PTPRK: variants seen among roughly 807,000 people sequenced by gnomAD.
The protein encoded by PTPRK is protein tyrosine phosphatase receptor type K, also known as receptor-type tyrosine-protein phosphatase kappa.
In PTPRK, 75 loss-of-function variants were observed where a neutral mutation model predicts 178.0. That is an observed-to-expected ratio of 0.42 (90% CI 0.35 to 0.51). PTPRK has a LOEUF of 0.51. Ranked by LOEUF, PTPRK falls within the 20% of genes least tolerant of loss-of-function variation. The pLI is 0.02. For missense variants in PTPRK, 1,441 were observed against 1,797.8 expected (o/e 0.80, Z 3.59); for synonymous variants, 637 against 620.6 (o/e 1.03, Z -0.39).
intron 7 of PTPRK, among the ~76,000 whole-genome samples, chr6:128,108,024 A>C (rs1790001344): frequency 6.6e-6 from 1 of 150,906 alleles, no homozygotes; most frequent in Admixed American, 6.6e-5. Flanking sequence ...CCATTTGATT[A>C]TGTCCCAGGC....
chr6:128,371,612 G>A (rs567759985), intron 2 of PTPRK, among the ~76,000 whole-genome samples: 1 of 152,210 alleles, frequency 6.6e-6, no homozygotes, highest in East Asian at 1.9e-4. Flanking sequence ...TGGTTGTGGA[G>A]TCAACTCTAA....
At chr6:128,506,430 T>G (rs1856352485) in intron 1 of PTPRK, among the ~76,000 whole-genome samples, 1 of 152,116 alleles carries the variant, frequency 6.6e-6, no homozygotes. Flanking sequence ...ACCTAGAGAA[T>G]TTTAAATGCA....
In PTPRK at chr6:128,083,717, C is replaced by T. The variant is rs141536662; in HGVS notation, c.1573G>A (p.Glu525Lys). Residue 525 changes from glutamate (E) to lysine (K), a missense_variant and splice_region_variant, in exon 9 of 30, where the codon GAG (glutamate) becomes AAG (lysine). Glu to Lys is a moderately conservative substitution (Grantham distance 56, BLOSUM62 1). This residue lies in a region of PTPRK where 945 missense variants were observed against 1,080.6 expected (regional missense o/e 0.87). Transcript: ENST00000368226. ...LDPNGIITQY[E>K]ISYSSIRSFD... ...TAACTTCCTTGTTCTCCCAATACCT[C>T]ATATTGAGTGATGATTCCATTTGGA... The T allele has an allele frequency of 1.0e-5, 16 of 1,568,958 alleles. No individual in the cohort carries two copies. In the African/African-American group the frequency reaches 1.2e-4, roughly 12 times the overall value.
intron 1 of PTPRK, among the ~76,000 whole-genome samples, chr6:128,416,670 T>C (rs1312434326): frequency 6.8e-6 from 1 of 147,628 alleles, no homozygotes; most frequent in Non-Finnish European, 1.5e-5. Flanking sequence ...AAAAAAGAAC[T>C]GGAGAGGCAA....
chr6:128,235,417 G>A (rs1460930884), intron 5 of PTPRK: 5 of 227,572 alleles, frequency 2.2e-5, no homozygotes. Context: ...TTTCATTTCA[G>A]TATAAATTAT....
intron 7 of PTPRK, among the ~76,000 whole-genome samples, chr6:128,154,007 A>C (rs1797639408): frequency 6.6e-6 from 1 of 151,984 alleles, no homozygotes; most frequent in East Asian, 1.9e-4. Flanking sequence ...AGGAATTCAG[A>C]AGCATGTATT....
At position 128,054,334 on chromosome 6, in the gene PTPRK, C is replaced by T. The variant is rs1779548270; in HGVS notation, c.2194+10424G>A. Reference sequence around the variant, plus strand: ...CTCCATAAAATTCTTCTCTTAGCTTCTCCACCATAAGCAATTATGAGTAAT... The same window carrying T: ...CTCCATAAAATTCTTCTCTTAGCTTTTCCACCATAAGCAATTATGAGTAAT... On this transcript the variant is annotated intron_variant, in intron 13 of 29. Transcript: ENST00000368226. Among the ~76,000 whole-genome samples the T allele has an allele frequency of 2.0e-5, 3 of 152,162 alleles. No homozygotes were observed. The South Asian group carries it at 6.2e-4, about 31-fold the overall frequency.
At chr6:128,058,490 T>C (rs904673759) in intron 13 of PTPRK, among the ~76,000 whole-genome samples, 5 of 152,172 alleles carry the variant, frequency 3.3e-5, no homozygotes, top group Non-Finnish European at 5.9e-5. Flanking sequence ...TTCTAATGGA[T>C]TGTCTCTTGT....
At chr6:128,376,845 T>C (rs901996814) in intron 2 of PTPRK, among the ~76,000 whole-genome samples, 3 of 152,202 alleles carry the variant, frequency 2.0e-5, no homozygotes, top group African/African-American at 4.8e-5. Context: ...AGGGGCATAA[T>C]GCCACCAATC....
intron 13 of PTPRK, among the ~76,000 whole-genome samples, chr6:128,052,361 C>T (rs952697797): frequency 1.3e-5 from 2 of 152,132 alleles, no homozygotes; most frequent in African/African-American, 4.8e-5. Context: ...CCCAATTGTC[C>T]TAATGATGTT....
chr6:128,164,320 G>T (rs1243352234), intron 7 of PTPRK, among the ~76,000 whole-genome samples: 1 of 151,296 alleles, frequency 6.6e-6, no homozygotes, highest in Non-Finnish European at 1.5e-5. Context: ...CATGAATAAA[G>T]CATGACCCTA....
chr6:128,312,597 C>T (rs537683433), intron 3 of PTPRK, among the ~76,000 whole-genome samples: 2 of 152,266 alleles, frequency 1.3e-5, no homozygotes, highest in African/African-American at 4.8e-5. Flanking sequence ...TTCTTCCCCT[C>T]ATTGTTTAAT....
At chr6:128,405,862 A>G (rs1425629509) in intron 1 of PTPRK, among the ~76,000 whole-genome samples, 2 of 152,102 alleles carry the variant, frequency 1.3e-5, no homozygotes, top group African/African-American at 4.8e-5. Context: ...TTTACTTCAG[A>G]TTGGCAAAGG....
In PTPRK at chr6:128,520,482, C is replaced by T; in HGVS notation, c.-124G>A. ...AGGACGGTGAGAGGACAGCCGCCCG[C>T]CCGCCCTTTTTCCTTCTTCGCGGTC... On this transcript the variant is annotated 5_prime_UTR_variant, in exon 1 of 30. Coordinates refer to ENST00000368226, the MANE Select transcript of PTPRK (RefSeq NM_002844.4). 1.1e-6 allele frequency: 1 copy of T among 872,620 alleles called. No homozygotes were observed. Among genetic ancestry groups the T allele is most frequent in the Non-Finnish European group, 1.8e-6 (1 of 556,336 alleles). 54.1% of individuals were successfully genotyped at this position (872,620 alleles called of 1,614,324 possible). A position where few individuals can be genotyped will look rare whatever the true frequency, so the allele number is the denominator to read the frequency against.
intron 13 of PTPRK, among the ~76,000 whole-genome samples, chr6:128,013,720 G>A (rs191203473): frequency 2.3e-4 from 35 of 151,452 alleles, no homozygotes; most frequent in Non-Finnish European, 4.4e-4. Flanking sequence ...CACACAATTA[G>A]TTACAAAATT....
At position 128,067,756 on chromosome 6, in the gene PTPRK, G is replaced by T. The variant is rs775635931; in HGVS notation, c.1920C>A (p.His640Gln). Reference protein sequence around the residue: ...YQIVVEELHPHRTKREAGAME... With the variant: ...YQIVVEELHPQRTKREAGAME... Reference sequence around the variant, plus strand: ...TGGCTCCGGCTTCTCTCTTGGTTCGGTGTGGGTGCAGTTCTTCCACAACAA... The same window carrying T: ...TGGCTCCGGCTTCTCTCTTGGTTCGTTGTGGGTGCAGTTCTTCCACAACAA... The change falls in exon 12 of 30, where the codon CAC becomes CAA. Residue 640 changes from histidine (H) to glutamine (Q), a missense_variant. Coordinates refer to ENST00000368226, the MANE Select transcript of PTPRK (RefSeq NM_002844.4). The T allele has an allele frequency of 1.2e-6, 2 of 1,611,372 alleles. No individual in the cohort carries two copies. The highest frequency in any genetic ancestry group is 1.7e-6 in the Non-Finnish European group (2 of 1,178,614).
intron 1 of PTPRK, among the ~76,000 whole-genome samples, chr6:128,504,422 C>T (rs1024953942): frequency 6.6e-6 from 1 of 152,154 alleles, no homozygotes; most frequent in African/African-American, 2.4e-5. Flanking sequence ...AAATTGTGAA[C>T]AAACTGTGGA....
chr6:127,975,698 G>A (rs1364232149), intron 27 of PTPRK, among the ~76,000 whole-genome samples: 3 of 151,944 alleles, frequency 2.0e-5, no homozygotes, highest in Non-Finnish European at 4.4e-5. Flanking sequence ...TTTGGGGGAC[G>A]AAGTCTCGCT....
intron 2 of PTPRK, among the ~76,000 whole-genome samples, chr6:128,379,235 A>T (rs1483697541): frequency 6.6e-6 from 1 of 152,070 alleles, no homozygotes; most frequent in Non-Finnish European, 1.5e-5. Context: ...CTCTGCCATT[A>T]CTACCTAGAG....
Sources: gnomAD v4.1 joint callset for allele counts (sites outside exome capture counted in the v4.1 genomes callset) on GRCh38, gnomAD v4.1.1 for gene constraint, gnomAD v4.1.1 regional missense constraint, MANE v1.5 for transcripts, NCBI Gene and HGNC (gene_info 2026-07-23, HGNC 2026-07-21) for gene names.